Variants in CATSPERB observed in about 807,000 individuals in gnomAD.
The protein encoded by CATSPERB is cation channel sperm-associated auxiliary subunit beta.
Under a neutral mutation model 128.3 loss-of-function variants are expected in CATSPERB, and 93 were observed. That is an observed-to-expected ratio of 0.72 (90% confidence interval 0.61 to 0.86). The LOEUF is 0.86. Ranked by LOEUF, CATSPERB falls within the 40% of genes least tolerant of loss-of-function variation. The pLI is 0.00. For synonymous variants in CATSPERB, 381 were observed against 448.8 expected (o/e 0.85, Z 1.91); for missense variants, 1,153 against 1,329.5 (o/e 0.87, Z 2.06).
intron 16 of CATSPERB, among the ~76,000 whole-genome samples, chr14:91,638,750 C>T (rs1316088340): frequency 6.6e-5 from 10 of 152,244 alleles, no homozygotes; most frequent in Admixed American, 6.5e-4. Context: ...CAGGGACAAC[C>T]TTAAGAGGTA....
chr14:91,685,152 C>T (rs1895351530), intron 10 of CATSPERB, among the ~76,000 whole-genome samples: 1 of 152,086 alleles, frequency 6.6e-6, no homozygotes, highest in Admixed American at 6.5e-5. Flanking sequence ...GTCTAGAGCT[C>T]CTGAACTTAA....
At chr14:91,660,007 T>C (rs1025702382) in intron 14 of CATSPERB, 26 bp from the exon 15 acceptor site, 3 of 1,543,058 alleles carry the variant, frequency 1.9e-6, no homozygotes, top group African/African-American at 2.8e-5. Flanking sequence ...GATAATACCT[T>C]ACTAAAGGGC....
At chr14:91,625,750 A>G (rs1025427171) in intron 17 of CATSPERB, among the ~76,000 whole-genome samples, 2 of 152,214 alleles carry the variant, frequency 1.3e-5, no homozygotes, top group Non-Finnish European at 2.9e-5. Context: ...TAACCAGGAA[A>G]ACAATCTGTT....
intron 22 of CATSPERB, among the ~76,000 whole-genome samples, chr14:91,600,067 T>C (rs545107448): frequency 6.6e-6 from 1 of 152,258 alleles, no homozygotes; most frequent in Non-Finnish European, 1.5e-5. Flanking sequence ...CTGGCTGTTA[T>C]GAATAATGCT....
chr14:91,666,197 T>C (rs1894980399), intron 14 of CATSPERB, among the ~76,000 whole-genome samples: 1 of 152,200 alleles, frequency 6.6e-6, no homozygotes, highest in Non-Finnish European at 1.5e-5. Flanking sequence ...GGCCTAATCT[T>C]AGCCAGAGGA....
At chr14:91,655,772 T>C (rs1215929016) in intron 15 of CATSPERB, among the ~76,000 whole-genome samples, 1 of 152,154 alleles carries the variant, frequency 6.6e-6, no homozygotes, top group Non-Finnish European at 1.5e-5. Flanking sequence ...GGATTGAACA[T>C]TTATTCAAAG....
chr14:91,607,651 G>A (rs1236772972), intron 22 of CATSPERB, among the ~76,000 whole-genome samples: 1 of 152,112 alleles, frequency 6.6e-6, no homozygotes, highest in Non-Finnish European at 1.5e-5. Flanking sequence ...ACAGTGGAGA[G>A]TTTTGAGCTA....
At chr14:91,723,733 A>G (rs1896071093) in intron 3 of CATSPERB, among the ~76,000 whole-genome samples, 1 of 152,170 alleles carries the variant, frequency 6.6e-6, no homozygotes, top group Non-Finnish European at 1.5e-5. Context: ...GGGGAAATAC[A>G]TTCATTCCAA....
intron 2 of CATSPERB, among the ~76,000 whole-genome samples, chr14:91,726,611 G>T (rs1238826017): frequency 1.3e-5 from 2 of 152,188 alleles, no homozygotes; most frequent in Non-Finnish European, 2.9e-5. Flanking sequence ...TCAGCAAAAA[G>T]AATTTGAAGG....
chr14:91,622,068 C>G (rs1228001268), intron 18 of CATSPERB, 131 bp from the exon 19 acceptor site: 2 of 556,310 alleles, frequency 3.6e-6, no homozygotes, highest in Non-Finnish European at 6.2e-6. Context: ...ACACAGTTGC[C>G]AAATTTCAGT....
At chr14:91,661,111 C>G (rs1307904997) in intron 14 of CATSPERB, among the ~76,000 whole-genome samples, 2 of 152,112 alleles carry the variant, frequency 1.3e-5, no homozygotes, top group Non-Finnish European at 2.9e-5. Flanking sequence ...GTATGTGGAC[C>G]TCAATTTTCA....
At chr14:91,721,928 T>C (rs1896040559) in intron 4 of CATSPERB, among the ~76,000 whole-genome samples, 1 of 151,834 alleles carries the variant, frequency 6.6e-6, no homozygotes. Flanking sequence ...CCAGGTGTGC[T>C]GGTGTGCACT....
intron 16 of CATSPERB, among the ~76,000 whole-genome samples, chr14:91,638,850 C>T (rs1567436): frequency 0.79 from 120,724 of 152,112 alleles, 48,053 homozygotes; most frequent in East Asian, 0.92. Context: ...TGGTGTTCTG[C>T]TGCGAAGATA....
chr14:91,605,306 G>A lies in CATSPERB; in HGVS notation c.2709+2988C>T, dbSNP rs904260298. On this transcript the variant is annotated intron_variant, in intron 22 of 26. Coordinates refer to ENST00000256343, the MANE Select transcript of CATSPERB (RefSeq NM_024764.4). ...GCAAGGCAGGCTTTGTGAACAAGCT[G>A]GAGCCACACTCATGTTATTATTGGG... is the stretch of plus-strand genomic sequence containing the variant. The A allele has an allele frequency of 1.5e-5, 13 of 838,740 alleles. No individual in the cohort carries two copies. In the African/African-American group the frequency reaches 2.0e-4, roughly 13 times the overall value. 52.0% of individuals were successfully genotyped at this position (838,740 alleles called of 1,614,324 possible).
intron 24 of CATSPERB, 141 bp downstream of exon 24, chr14:91,589,393 A>G: frequency 2.9e-6 from 2 of 685,878 alleles, no homozygotes; most frequent in Non-Finnish European, 4.6e-6. Flanking sequence ...GTAAACAGCA[A>G]TATGCCAACT....
chr14:91,628,107 C>T (rs940001339), intron 17 of CATSPERB, among the ~76,000 whole-genome samples: 4 of 152,144 alleles, frequency 2.6e-5, no homozygotes, highest in African/African-American at 9.7e-5. Flanking sequence ...TCCTTCAGCT[C>T]AAATAATCTT....
chr14:91,588,735 T>C (rs908026071), intron 24 of CATSPERB, among the ~76,000 whole-genome samples: 15 of 152,204 alleles, frequency 9.9e-5, no homozygotes, highest in Admixed American at 8.5e-4. Flanking sequence ...ATCTAGCTTG[T>C]AAAATGTTTA....
intron 5 of CATSPERB, among the ~76,000 whole-genome samples, chr14:91,718,472 G>A (rs757937388): frequency 3.0e-4 from 46 of 151,996 alleles, no homozygotes; most frequent in Non-Finnish European, 5.1e-4. Flanking sequence ...GGCCTGTATG[G>A]TTCCCCCATC....
intron 5 of CATSPERB, among the ~76,000 whole-genome samples, chr14:91,717,872 A>G (rs1436983796): frequency 2.0e-5 from 3 of 152,210 alleles, no homozygotes; most frequent in African/African-American, 4.8e-5. Context: ...GCATATTACT[A>G]TCTACATAAA....
Sources: gnomAD v4.1 joint callset for allele counts (sites outside exome capture counted in the v4.1 genomes callset) on GRCh38, gnomAD v4.1.1 for gene constraint, MANE v1.5 for transcripts, NCBI Gene and HGNC (gene_info 2026-07-23, HGNC 2026-07-21) for gene names.